SEC14L5: variants seen among roughly 807,000 people sequenced by gnomAD.
SEC14L5 encodes the protein SEC14-like protein 5.
Under a neutral mutation model 84.6 loss-of-function variants are expected in SEC14L5, and 96 were observed. That is an observed-to-expected ratio of 1.13 (90% CI 0.96 to 1.34). The LOEUF is 1.34. SEC14L5 is among the 40% of genes most tolerant of loss of function. SEC14L5 has a pLI of 0.00. For synonymous variants in SEC14L5, 546 were observed against 383.4 expected (o/e 1.42, Z -4.95); for missense variants, 1,224 against 942.5 (o/e 1.30, Z -3.91).
chr16:5,002,652 C>G (rs1955689652), intron 10 of SEC14L5, among the ~76,000 whole-genome samples: 1 of 152,126 alleles, frequency 6.6e-6, no homozygotes, highest in Non-Finnish European at 1.5e-5. Context: ...GAGGTGTGTG[C>G]AGGTTTAAGC....
At position 5,008,705 on chromosome 16, in the gene SEC14L5, G is replaced by A. The variant is rs527286763; in HGVS notation, c.1800+57G>A. On this transcript the variant is annotated intron_variant, in intron 14 of 15. Coordinates refer to ENST00000251170, the MANE Select transcript of SEC14L5 (RefSeq NM_014692.2). ...CCAAGCAGCACTGAGTGTCCACTGC[G>A]TGCCAGGCTTCTGGGGATACAGCGG... is the stretch of plus-strand genomic sequence containing the variant. The A allele has an allele frequency of 5.5e-5, 80 of 1,462,450 alleles. 1 individual carries two copies. Among genetic ancestry groups the A allele is most frequent in the East Asian group, 6.8e-5 (3 of 44,128 alleles). 90.6% of individuals were successfully genotyped at this position (1,462,450 alleles called of 1,614,324 possible).
chr16:4,962,297 G>T (rs535785290), intron 2 of SEC14L5, among the ~76,000 whole-genome samples: 4 of 152,020 alleles, frequency 2.6e-5, no homozygotes, highest in Admixed American at 6.6e-5. Context: ...TAAGCTTCAG[G>T]TTCCACAAAT....
intron 8 of SEC14L5, among the ~76,000 whole-genome samples, chr16:4,999,979 T>C (rs1955657089): frequency 6.6e-6 from 1 of 151,894 alleles, no homozygotes; most frequent in South Asian, 2.1e-4. Flanking sequence ...AACAAGGTTA[T>C]ATATTGATTG....
chr16:4,968,653 C>G (rs1341611271), intron 2 of SEC14L5, among the ~76,000 whole-genome samples: 1 of 152,186 alleles, frequency 6.6e-6, no homozygotes, highest in East Asian at 1.9e-4. Context: ...TGTGCACCAG[C>G]AGCAGTACTG....
chr16:5,010,826 C>A, intron 14 of SEC14L5: 1 of 464,396 alleles, frequency 2.2e-6, no homozygotes, highest in Non-Finnish European at 3.9e-6. Context: ...GTTTAAGCAC[C>A]TCTGTTGTCC....
chr16:4,963,174 C>T (rs1192587943), intron 2 of SEC14L5, among the ~76,000 whole-genome samples: 2 of 152,182 alleles, frequency 1.3e-5, no homozygotes, highest in Non-Finnish European at 2.9e-5. Flanking sequence ...TAATTGATTA[C>T]AAAATTGTGC....
chr16:4,968,875 A>C (rs1431659104), intron 2 of SEC14L5, among the ~76,000 whole-genome samples: 4 of 152,246 alleles, frequency 2.6e-5, no homozygotes, highest in Non-Finnish European at 5.9e-5. Context: ...ATGTTAAAAT[A>C]TTTAAAGACC....
rs1408802034 is a variant in SEC14L5 at position 5,019,080 on chromosome 16, G to A, written c.*4110G>A. 3 of 152,224 alleles carry A rather than the reference G, an allele frequency of 2.0e-5. No individual in the cohort carries two copies. Among genetic ancestry groups the A allele is most frequent in the Non-Finnish European group, 4.4e-5 (3 of 68,052 alleles). The allele number at this position is 152,224 out of a possible 1,614,324, so 9.4% of individuals were successfully genotyped here. Reference sequence around the variant, plus strand: ...TTTAGAGCTAGCTTGTTCAGCCTGTGGCCTGCAGGCTGCACGCGGCCCCGG... The same window carrying A: ...TTTAGAGCTAGCTTGTTCAGCCTGTAGCCTGCAGGCTGCACGCGGCCCCGG... On this transcript the variant is annotated 3_prime_UTR_variant, in exon 16 of 16. Coordinates refer to ENST00000251170, the MANE Select transcript of SEC14L5 (RefSeq NM_014692.2).
At chr16:4,995,527 T>G (rs1955599398) in intron 6 of SEC14L5, among the ~76,000 whole-genome samples, 1 of 152,210 alleles carries the variant, frequency 6.6e-6, no homozygotes, top group South Asian at 2.1e-4. Context: ...AACTGGTGTT[T>G]ATCAGCCACC....
intron 1 of SEC14L5, among the ~76,000 whole-genome samples, chr16:4,958,932 C>T (rs1409663875): frequency 2.7e-5 from 4 of 150,424 alleles, no homozygotes; most frequent in Admixed American, 6.6e-5. Flanking sequence ...GGGGTGCATG[C>T]GTGAATAGAA....
intron 2 of SEC14L5, among the ~76,000 whole-genome samples, chr16:4,970,301 G>A (rs73522959): frequency 1.3e-5 from 2 of 152,100 alleles, no homozygotes; most frequent in Non-Finnish European, 2.9e-5. Context: ...TGAGAGTTGC[G>A]GGGAAGCAGG....
At chr16:5,011,048 G>A (rs1955793825) in intron 14 of SEC14L5, 47 bp from the exon 15 acceptor site, 1 of 1,539,864 alleles carries the variant, frequency 6.5e-7, no homozygotes, top group Non-Finnish European at 8.8e-7. Flanking sequence ...TCCTTGACCT[G>A]TCCTCTGGAG....
chr16:4,987,426 C>T, intron 2 of SEC14L5, 131 bp from the exon 3 acceptor site: 1 of 714,538 alleles, frequency 1.4e-6, no homozygotes, highest in Non-Finnish European at 2.2e-6. Flanking sequence ...ACGGCAAAAT[C>T]CCTGCCCCTT....
At chr16:5,003,219 G>C (rs1276773522) in intron 10 of SEC14L5, among the ~76,000 whole-genome samples, 183 bp from the exon 11 acceptor site, 1 of 152,224 alleles carries the variant, frequency 6.6e-6, no homozygotes, top group African/African-American at 2.4e-5. Flanking sequence ...TTGAATTTGG[G>C]CGCTCAGCCC....
intron 2 of SEC14L5, among the ~76,000 whole-genome samples, chr16:4,965,600 G>A (rs911763060): frequency 2.5e-5 from 3 of 119,544 alleles, no homozygotes; most frequent in African/African-American, 9.5e-5. Flanking sequence ...GGCGGAGCTT[G>A]CACTGAGCCG....
Position 5,015,113 on chromosome 16 carries a change from G to A in SEC14L5, c.*143G>A, listed in dbSNP as rs537263530. The A allele has an allele frequency of 1.9e-5, 12 of 640,368 alleles. No homozygotes were observed. Among genetic ancestry groups the A allele is most frequent in the African/African-American group, 5.5e-5 (3 of 54,880 alleles). The allele number at this position is 640,368 out of a possible 1,614,324, so 39.7% of individuals were successfully genotyped here. A position where few individuals can be genotyped will look rare whatever the true frequency, so the allele number is the denominator to read the frequency against. ...CTGCCCAAGTTGGGGTGTCTGGAGC[G>A]GATGGCAAGGATCCAGAACTGGCCT... is the stretch of plus-strand genomic sequence containing the variant. On this transcript the variant is annotated 3_prime_UTR_variant, in exon 16 of 16. Transcript: ENST00000251170.
In SEC14L5 at chr16:4,981,259, T is replaced by G. The variant is rs1379367513; in HGVS notation, c.64-6298T>G. ...ACCAGCACGTCTAGCTAATTGGTTT[T>G]TTTTTTTTTTTTTTTTTTTTTTTTG... On this transcript the variant is annotated intron_variant, in intron 2 of 15. Transcript: ENST00000251170. 2.3e-4 allele frequency among the ~76,000 whole-genome samples: 5 copies of G among 21,996 alleles called. No homozygotes were observed. In the South Asian group the frequency reaches 0.015, roughly 67 times the overall value. The allele number at this position is 21,996 out of a possible 152,430, so 14.4% of individuals were successfully genotyped here.
intron 15 of SEC14L5, among the ~76,000 whole-genome samples, chr16:5,014,161 T>C (rs1955841702): frequency 6.6e-6 from 1 of 152,236 alleles, no homozygotes; most frequent in African/African-American, 2.4e-5. Context: ...ATTCAGTGCC[T>C]CAGTCGCATG....
At chr16:5,012,005 T>G (rs763359712) in intron 15 of SEC14L5, among the ~76,000 whole-genome samples, 2 of 152,210 alleles carry the variant, frequency 1.3e-5, no homozygotes, top group Non-Finnish European at 2.9e-5. Flanking sequence ...AAATGATGCT[T>G]TAAATTCTTT....
Sources: allele counts gnomAD v4.1 joint callset (sites outside exome capture counted in the v4.1 genomes callset), GRCh38; gene constraint gnomAD v4.1.1; transcripts MANE v1.5; gene names NCBI Gene and HGNC (gene_info 2026-07-23, HGNC 2026-07-21).